The following PARD3B variants were observed in gnomAD, a reference collection of about 807,000 sequenced individuals.
PARD3B encodes the protein par-3 family cell polarity regulator beta.
A neutral mutation model predicts 130.2 loss-of-function variants in PARD3B; 103 were observed. That is an observed-to-expected ratio of 0.79 (90% CI 0.67 to 0.93). The LOEUF is 0.93. PARD3B is among the 40% of genes least tolerant of loss of function. The probability of loss-of-function intolerance (pLI) is 0.00; values close to 1 mark genes in which losing one functional copy is unlikely to be tolerated. For synonymous variants in PARD3B, 583 were observed against 553.2 expected (o/e 1.05, Z -0.76); for missense variants, 1,609 against 1,499.2 (o/e 1.07, Z -1.21).
intron 3 of PARD3B, among the ~76,000 whole-genome samples, chr2:204,972,037 T>C (rs1297116631): frequency 5.9e-5 from 9 of 152,122 alleles, no homozygotes; most frequent in Non-Finnish European, 4.4e-5. Flanking sequence ...ATTCATTGAA[T>C]ATTTAAAATT....
At chr2:205,353,507 C>G (rs1322251961) in intron 18 of PARD3B, among the ~76,000 whole-genome samples, 2 of 152,102 alleles carry the variant, frequency 1.3e-5, no homozygotes, top group African/African-American at 4.8e-5. Context: ...TAAAAAATGA[C>G]CTCTTTGTAT....
intron 2 of PARD3B, among the ~76,000 whole-genome samples, chr2:204,704,477 A>G (rs768879973): frequency 3.9e-5 from 6 of 152,168 alleles, no homozygotes; most frequent in Non-Finnish European, 5.9e-5. Flanking sequence ...AATATAAACA[A>G]TCTTCATAAA....
At chr2:205,179,044 G>A (rs2035643646) in intron 13 of PARD3B, among the ~76,000 whole-genome samples, 2 of 152,132 alleles carry the variant, frequency 1.3e-5, no homozygotes, top group Admixed American at 1.3e-4. Flanking sequence ...AAGATATGAA[G>A]GGGGAAGACA....
intron 2 of PARD3B, among the ~76,000 whole-genome samples, chr2:204,749,301 G>A (rs148561063): frequency 3.3e-5 from 5 of 152,196 alleles, no homozygotes; most frequent in African/African-American, 1.2e-4. Flanking sequence ...GTATCAAGGG[G>A]CCTTACATAT....
At position 205,291,519 on chromosome 2, in the gene PARD3B, G is replaced by A. The variant is rs1021043121; in HGVS notation, c.2186-9011G>A. Among the ~76,000 whole-genome samples the A allele has an allele frequency of 6.6e-5, 10 of 152,182 alleles. No individual in the cohort carries two copies. Among genetic ancestry groups the A allele is most frequent in the Non-Finnish European group, 1.0e-4 (7 of 68,028 alleles). On this transcript the variant is annotated intron_variant, in intron 16 of 22. Coordinates refer to ENST00000406610, the MANE Select transcript of PARD3B (RefSeq NM_001302769.2). This position sits in a 1 kb window ranked among gnomAD's most constrained non-coding sequence, Gnocchi z 4.6. ...GTGTTGTTCTGGTGTATTATGGAAG[G>A]TAGAACTTGTAAGTGATGAAATTGG...
Position 205,287,268 on chromosome 2 carries a change from A to G in PARD3B, c.2186-13262A>G, listed in dbSNP as rs1370527061. Among the ~76,000 whole-genome samples the G allele has an allele frequency of 6.6e-6, 1 of 152,240 alleles. No individual in the cohort carries two copies. The highest frequency in any genetic ancestry group is 1.5e-5 in the Non-Finnish European group (1 of 68,036). ...CAAGACTGTGAGTTACAATGGAAAG[A>G]AAACAATTTCAAACTAGTTTTGCAA... is the stretch of plus-strand genomic sequence containing the variant. On this transcript the variant is annotated intron_variant, in intron 16 of 22. Transcript: ENST00000406610. This position sits in a 1 kb window ranked among gnomAD's most constrained non-coding sequence, Gnocchi z 4.8.
intron 10 of PARD3B, among the ~76,000 whole-genome samples, chr2:205,153,686 AC>A (rs772834796): frequency 4.6e-5 from 7 of 152,204 alleles, no homozygotes; most frequent in Non-Finnish European, 8.8e-5. Flanking sequence ...TGGTACTGGT[AC>A]CAAAACAGAG....
intron 2 of PARD3B, among the ~76,000 whole-genome samples, chr2:204,763,365 A>G (rs2040992776): frequency 6.6e-6 from 1 of 152,154 alleles, no homozygotes; most frequent in Non-Finnish European, 1.5e-5. Context: ...GTTTGACTCT[A>G]TCTGATTATT....
At position 205,564,246 on chromosome 2, in the gene PARD3B, T is replaced by C. The variant is rs184711037; in HGVS notation, c.3260+10843T>C. On this transcript the variant is annotated intron_variant, in intron 22 of 22. Coordinates refer to ENST00000406610, the MANE Select transcript of PARD3B (RefSeq NM_001302769.2). This position sits in a 1 kb window ranked among gnomAD's most constrained non-coding sequence, Gnocchi z 4.6. ...GTAGGAGAGACACATTACGTGACCA[T>C]CCTTTCCTGAGGCAGCCCTCACTGC... Among the ~76,000 whole-genome samples, 95 of 152,246 alleles carry C rather than the reference T, an allele frequency of 6.2e-4. No homozygotes were observed.
chr2:204,802,173 G>C (rs1044190805), intron 2 of PARD3B, among the ~76,000 whole-genome samples: 1 of 152,166 alleles, frequency 6.6e-6, no homozygotes, highest in African/African-American at 2.4e-5. Flanking sequence ...ATCAAAAAGT[G>C]GGCAAAGGAT....
At chr2:205,226,323 A>G (rs1476537209) in intron 15 of PARD3B, among the ~76,000 whole-genome samples, 1 of 151,934 alleles carries the variant, frequency 6.6e-6, no homozygotes, top group East Asian at 1.9e-4. Flanking sequence ...CACAGGCATG[A>G]GCCACCACGC....
chr2:205,272,051 A>T (rs1396355411), intron 16 of PARD3B, among the ~76,000 whole-genome samples: 1 of 151,926 alleles, frequency 6.6e-6, no homozygotes, highest in Non-Finnish European at 1.5e-5. Flanking sequence ...CCAGCAACTC[A>T]GGAGGCTGAG....
intron 22 of PARD3B, among the ~76,000 whole-genome samples, chr2:205,611,970 C>T (rs565883794): frequency 2.6e-5 from 4 of 152,188 alleles, no homozygotes; most frequent in East Asian, 1.9e-4. Flanking sequence ...ACACAGCATC[C>T]GACACCGTGA....
chr2:205,092,756 G>T (rs1453099889), intron 4 of PARD3B, among the ~76,000 whole-genome samples: 2 of 152,162 alleles, frequency 1.3e-5, no homozygotes, highest in African/African-American at 4.8e-5. Flanking sequence ...ACAATCTCTA[G>T]TCTGTAGGTT....
intron 16 of PARD3B, among the ~76,000 whole-genome samples, chr2:205,248,707 C>T (rs1320310424): frequency 6.8e-6 from 1 of 146,794 alleles, no homozygotes; most frequent in African/African-American, 2.5e-5. Context: ...CCCGGGTTCA[C>T]GCCATTTCTC....
intron 2 of PARD3B, among the ~76,000 whole-genome samples, chr2:204,870,110 C>T (rs1435770382): frequency 6.6e-6 from 1 of 152,076 alleles, no homozygotes; most frequent in African/African-American, 2.4e-5. Flanking sequence ...CCCTCTTCGC[C>T]CTCCATTTCT....
chr2:205,189,931 CAT>C (rs1487224368), intron 14 of PARD3B, among the ~76,000 whole-genome samples: 5 of 152,120 alleles, frequency 3.3e-5, no homozygotes, highest in African/African-American at 1.2e-4. Flanking sequence ...ATGATGGTAA[CAT>C]ATATGTGTAT....
At chr2:204,821,127 T>C (rs1038949867) in intron 2 of PARD3B, among the ~76,000 whole-genome samples, 1 of 152,212 alleles carries the variant, frequency 6.6e-6, no homozygotes, top group African/African-American at 2.4e-5. Flanking sequence ...GTAACTGATA[T>C]GTTTTGGCTC....
chr2:205,587,471 T>C (rs1326395637), intron 22 of PARD3B, among the ~76,000 whole-genome samples: 1 of 152,206 alleles, frequency 6.6e-6, no homozygotes, highest in African/African-American at 2.4e-5. Flanking sequence ...TTCTCAATAA[T>C]AATACCGTGG....
Sources: gnomAD v4.1 joint callset for allele counts (sites outside exome capture counted in the v4.1 genomes callset) on GRCh38, gnomAD v4.1.1 for gene constraint, Gnocchi (gnomAD v3.1) non-coding constraint, MANE v1.5 for transcripts, NCBI Gene and HGNC (gene_info 2026-07-23, HGNC 2026-07-21) for gene names.